KLF12: variants seen among roughly 807,000 people sequenced by gnomAD.
KLF12 encodes the protein KLF transcription factor 12.
In KLF12, 9 loss-of-function variants were observed where a neutral mutation model predicts 37.8. That is an observed-to-expected ratio of 0.24 (90% confidence interval 0.14 to 0.42). The LOEUF is 0.42. Ranked by LOEUF, KLF12 falls within the 10% of genes least tolerant of loss-of-function variation. The pLI, the probability that KLF12 is intolerant of heterozygous loss-of-function variation, is 1.00. For synonymous variants in KLF12, 208 were observed against 202.1 expected (o/e 1.03, Z -0.25); for missense variants, 411 against 516.0 (o/e 0.80, Z 1.97).
At chr13:73,724,147 C>T (rs999745051) in intron 6 of KLF12, among the ~76,000 whole-genome samples, 18 of 152,102 alleles carry the variant, frequency 1.2e-4, no homozygotes, top group Admixed American at 9.2e-4. Context: ...AACCCAAATG[C>T]CCACCAATGA....
intron 5 of KLF12, among the ~76,000 whole-genome samples, chr13:73,784,925 T>C (rs184797924): frequency 5.3e-4 from 81 of 151,952 alleles, no homozygotes; most frequent in African/African-American, 1.7e-3. Context: ...TGTGAGCCAC[T>C]GCGCCCGGCC....
At chr13:74,154,972 G>A in the KLF12 span, among the ~76,000 whole-genome samples, 1 of 152,176 alleles carries the variant, frequency 6.6e-6, no homozygotes, top group African/African-American at 2.4e-5. Flanking sequence ...TTCCCTTTAT[G>A]AGAAGGGGAT....
chr13:73,999,873 G>A (rs1174041884), intron 1 of KLF12, among the ~76,000 whole-genome samples: 1 of 152,188 alleles, frequency 6.6e-6, no homozygotes, highest in Non-Finnish European at 1.5e-5. Context: ...GATCTCACAT[G>A]AACGAATGGC....
At chr13:74,155,388 T>G in the KLF12 span, among the ~76,000 whole-genome samples, 4 of 150,340 alleles carry the variant, frequency 2.7e-5, no homozygotes, top group Admixed American at 2.0e-4. Context: ...CTAGACAGGG[T>G]TTTGTTCTTG....
chr13:73,907,236 C>T (rs980882937), intron 3 of KLF12, among the ~76,000 whole-genome samples: 1 of 152,108 alleles, frequency 6.6e-6, no homozygotes, highest in African/African-American at 2.4e-5. Context: ...TATTAACCTC[C>T]CCTGCCTGTT....
chr13:74,019,061 T>G (rs796592813), intron 1 of KLF12, among the ~76,000 whole-genome samples: 1 of 152,220 alleles, frequency 6.6e-6, no homozygotes. Flanking sequence ...TAATTTATAA[T>G]AACATATTAG....
Position 73,688,458 on chromosome 13 carries a change from G to A in KLF12, c.*7032C>T, listed in dbSNP as rs942072201. The A allele has an allele frequency of 6.6e-6, 1 of 152,100 alleles. No homozygotes were observed. The highest frequency in any genetic ancestry group is 6.5e-5 in the Admixed American group (1 of 15,274). The allele number at this position is 152,100 out of a possible 1,614,324, so 9.4% of individuals were successfully genotyped here. ...TCTGATATTAATCACTAGTTCCATGGGGGTGAAAATTTCAAATGCATCTGA... is the reference window on the plus strand; with the variant it reads ...TCTGATATTAATCACTAGTTCCATGAGGGTGAAAATTTCAAATGCATCTGA... On this transcript the variant is annotated 3_prime_UTR_variant, in exon 8 of 8. Transcript: ENST00000377669.
chr13:73,833,118 C>T (rs376377344), intron 4 of KLF12, among the ~76,000 whole-genome samples: 10 of 152,208 alleles, frequency 6.6e-5, no homozygotes, highest in East Asian at 1.9e-4. Flanking sequence ...ATGAAATTGG[C>T]GTTACTATTA....
At chr13:73,972,238 A>G (rs1891368389) in intron 2 of KLF12, among the ~76,000 whole-genome samples, 1 of 152,304 alleles carries the variant, frequency 6.6e-6, no homozygotes, top group South Asian at 2.1e-4. Flanking sequence ...ATTCAGCAGA[A>G]TAAAGAAACA....
chr13:73,912,965 A>G (rs1888643604), intron 3 of KLF12, among the ~76,000 whole-genome samples: 1 of 143,582 alleles, frequency 7.0e-6, no homozygotes, highest in African/African-American at 2.6e-5. Flanking sequence ...ATTATCTTTC[A>G]TAACTTATCT....
At chr13:74,152,929 T>TAATAAA in the KLF12 span, among the ~76,000 whole-genome samples, 6 of 131,386 alleles carry the variant, frequency 4.6e-5, no homozygotes, top group South Asian at 2.5e-4. Context: ...ATAATAATAA[T>TAATAAA]AAAAACAGAG....
intron 3 of KLF12, among the ~76,000 whole-genome samples, chr13:73,854,897 T>C (rs1199238394): frequency 1.3e-5 from 2 of 152,206 alleles, no homozygotes; most frequent in Non-Finnish European, 2.9e-5. Context: ...GACAACTGTA[T>C]ATACTTGTCT....
At chr13:74,279,306 A>G in the KLF12 span, among the ~76,000 whole-genome samples, 2 of 151,806 alleles carry the variant, frequency 1.3e-5, no homozygotes, top group Non-Finnish European at 1.5e-5. Context: ...TTGTACTTAG[A>G]CTCTTGGCCT....
At chr13:74,265,764 T>A in the KLF12 span, among the ~76,000 whole-genome samples, 4 of 152,210 alleles carry the variant, frequency 2.6e-5, no homozygotes, top group Admixed American at 6.5e-5. Flanking sequence ...GGCTAAATAC[T>A]CACATTTACT....
rs1474955644 is a variant in KLF12, at chr13:73,708,602, T to C, written c.1027+6766A>G. Among the ~76,000 whole-genome samples the C allele has an allele frequency of 2.0e-5, 3 of 152,320 alleles. No individual in the cohort carries two copies. In the East Asian group the frequency reaches 5.8e-4, roughly 29 times the overall value. ...ACCATCTAGTGGCTGTAGGAATCAC[T>C]GATGCCTGAATGTTACTTGCTTTTA... On this transcript the variant is annotated intron_variant, in intron 7 of 7. Transcript: ENST00000377669.
chr13:74,078,824 A>T (rs1322004645), intron 1 of KLF12, among the ~76,000 whole-genome samples: 1 of 152,236 alleles, frequency 6.6e-6, no homozygotes, highest in Non-Finnish European at 1.5e-5. Context: ...TGTTTTGTAG[A>T]CAATCATTTT....
intron 6 of KLF12, among the ~76,000 whole-genome samples, chr13:73,750,509 C>A (rs1878668482): frequency 6.6e-6 from 1 of 152,102 alleles, no homozygotes; most frequent in African/African-American, 2.4e-5. Flanking sequence ...TACACACGGG[C>A]CAACAAATAC....
the KLF12 span, chr13:74,231,618 G>A: frequency 3.3e-5 from 5 of 152,212 alleles, no homozygotes; most frequent in East Asian, 1.9e-4. Flanking sequence ...ACAACATAAT[G>A]TATATGTTGT....
At chr13:73,766,146 C>G (rs890981802) in intron 5 of KLF12, among the ~76,000 whole-genome samples, 2 of 152,192 alleles carry the variant, frequency 1.3e-5, no homozygotes, top group Non-Finnish European at 2.9e-5. Flanking sequence ...TGCAGCTGAG[C>G]TGCTCAGCAC....
Sources: allele counts gnomAD v4.1 joint callset (sites outside exome capture counted in the v4.1 genomes callset), GRCh38; gene constraint gnomAD v4.1.1; transcripts MANE v1.5; gene names NCBI Gene and HGNC (gene_info 2026-07-23, HGNC 2026-07-21).